The following ARHGAP26 variants were observed in gnomAD, a reference collection of about 807,000 sequenced individuals.
ARHGAP26 encodes the protein rho GTPase-activating protein 26.
ARHGAP26 carries 38 observed loss-of-function variants against 104.8 expected under a neutral mutation model. That is an observed-to-expected ratio of 0.36 (90% CI 0.28 to 0.48). ARHGAP26 has a LOEUF of 0.48. Among genes scored for constraint, ARHGAP26 ranks in the 20% least tolerant of loss-of-function variants. ARHGAP26 has a pLI of 0.99. For synonymous variants in ARHGAP26, 341 were observed against 340.0 expected, an observed-to-expected ratio of 1.00 and a Z score of -0.03; for missense variants, 704 against 947.9, an observed-to-expected ratio of 0.74 and a Z score of 3.38.
intron 10 of ARHGAP26, among the ~76,000 whole-genome samples, chr5:142,922,421 AGTGTGT>A (rs3836778): frequency 6.0e-5 from 9 of 150,440 alleles, no homozygotes; most frequent in Non-Finnish European, 1.0e-4. Context: ...TTGACAGAAG[AGTGTGT>A]GTGTGTGTGT....
At chr5:143,148,432 G>A (rs1037768628) in intron 20 of ARHGAP26, among the ~76,000 whole-genome samples, 1 of 152,192 alleles carries the variant, frequency 6.6e-6, no homozygotes, top group Non-Finnish European at 1.5e-5. Flanking sequence ...TGCTTGGGAG[G>A]AGAGATGACT....
intron 20 of ARHGAP26, among the ~76,000 whole-genome samples, chr5:143,163,461 G>GTTTT (rs200216351): frequency 6.7e-6 from 1 of 148,616 alleles, no homozygotes; most frequent in African/African-American, 2.5e-5. Context: ...TTGTTTGTTT[G>GTTTT]TTTTTTTAAG....
At chr5:143,033,091 G>A (rs548478901) in intron 12 of ARHGAP26, among the ~76,000 whole-genome samples, 1 of 152,324 alleles carries the variant, frequency 6.6e-6, no homozygotes, top group East Asian at 1.9e-4. Flanking sequence ...GGCTAACAGA[G>A]TTATCTTGAG....
intron 20 of ARHGAP26, among the ~76,000 whole-genome samples, chr5:143,188,957 C>G (rs933523421): frequency 6.6e-6 from 1 of 152,182 alleles, no homozygotes; most frequent in Admixed American, 6.5e-5. Flanking sequence ...TTGTGTAGTT[C>G]CCCGTTTCCA....
rs1029542767 is a variant in ARHGAP26, at chr5:142,821,890, A to G, written c.154+50975A>G. 3.3e-5 allele frequency among the ~76,000 whole-genome samples: 5 copies of G among 152,300 alleles called. No homozygotes were observed. The South Asian group carries it at 8.3e-4, about 25-fold the overall frequency. ...TGCTCAGCTGCTTATAAATTGAGTC[A>G]GATCTAGATAAAGGAATTTTTGTCC... On this transcript the variant is annotated intron_variant, in intron 1 of 22. Transcript: ENST00000645722.
At chr5:143,121,620 C>T (rs1458166219) in intron 18 of ARHGAP26, among the ~76,000 whole-genome samples, 1 of 152,114 alleles carries the variant, frequency 6.6e-6, no homozygotes, top group Non-Finnish European at 1.5e-5. Context: ...GTTTGTCTTT[C>T]AGTTTTATAA....
At chr5:142,906,180 C>T (rs527506376) in intron 8 of ARHGAP26, among the ~76,000 whole-genome samples, 1 of 152,256 alleles carries the variant, frequency 6.6e-6, no homozygotes, top group South Asian at 2.1e-4. Context: ...CATGTGGTGT[C>T]GACCTGCCCC....
chr5:143,204,824 G>A (rs1455544315), intron 20 of ARHGAP26, among the ~76,000 whole-genome samples: 1 of 152,056 alleles, frequency 6.6e-6, no homozygotes, highest in Non-Finnish European at 1.5e-5. Flanking sequence ...AAAAAAGTTG[G>A]AAGGACTTTT....
At chr5:142,994,788 G>C (rs1461738086) in intron 11 of ARHGAP26, among the ~76,000 whole-genome samples, 2 of 152,216 alleles carry the variant, frequency 1.3e-5, no homozygotes, top group African/African-American at 4.8e-5. Flanking sequence ...AGTGCCAGCT[G>C]CTCTGCTGCT....
At chr5:143,078,906 T>C (rs970289692) in intron 17 of ARHGAP26, among the ~76,000 whole-genome samples, 2 of 152,242 alleles carry the variant, frequency 1.3e-5, no homozygotes, top group Admixed American at 6.5e-5. Flanking sequence ...TCACTAAACA[T>C]ACATGGCATT....
intron 14 of ARHGAP26, among the ~76,000 whole-genome samples, chr5:143,052,128 G>A (rs931662734): frequency 6.6e-6 from 1 of 152,178 alleles, no homozygotes; most frequent in Admixed American, 6.5e-5. Context: ...TCAGAAATTT[G>A]CTGTGATAGA....
chr5:143,094,672 C>T (rs1306757145), intron 17 of ARHGAP26, among the ~76,000 whole-genome samples: 1 of 152,204 alleles, frequency 6.6e-6, no homozygotes, highest in Non-Finnish European at 1.5e-5. Context: ...GCCTTCTTAT[C>T]CCTGACACGT....
At chr5:142,911,359 A>T (rs1458109477) in intron 9 of ARHGAP26, among the ~76,000 whole-genome samples, 1 of 152,010 alleles carries the variant, frequency 6.6e-6, no homozygotes, top group East Asian at 1.9e-4. Flanking sequence ...TGTTTCTCCA[A>T]GCCTATGTGG....
chr5:142,793,252 CTTTTTT>C (rs56941301), intron 1 of ARHGAP26, among the ~76,000 whole-genome samples: 2 of 107,172 alleles, frequency 1.9e-5, no homozygotes, highest in African/African-American at 7.9e-5. Context: ...TATCCCTTTG[CTTTTTT>C]TTTTTTTTTT....
intron 20 of ARHGAP26, among the ~76,000 whole-genome samples, chr5:143,162,953 AT>A (rs1224647512): frequency 6.6e-6 from 1 of 151,846 alleles, no homozygotes; most frequent in African/African-American, 2.4e-5. Context: ...TACCATCTCT[AT>A]TAAAAAAAAA....
intron 18 of ARHGAP26, 113 bp downstream of exon 18, chr5:143,121,260 T>G: frequency 8.9e-7 from 1 of 1,124,806 alleles, no homozygotes; most frequent in South Asian, 1.8e-5. Flanking sequence ...TACACTGTCA[T>G]GACGATGAAG....
chr5:143,134,122 T>C lies in ARHGAP26; in HGVS notation c.1837+17T>C, dbSNP rs1797663786. ...CAGAGAAACGTGAGTCTTTGCTGCA[T>C]AGGGCCAGCGTGGCATTCAGGGACA... is the stretch of plus-strand genomic sequence containing the variant. On this transcript the variant is annotated intron_variant, in intron 19 of 22. Coordinates refer to ENST00000645722, the MANE Select transcript of ARHGAP26 (RefSeq NM_001135608.3). The C allele has an allele frequency of 6.3e-7, 1 of 1,599,658 alleles. No homozygotes were observed. Among genetic ancestry groups the C allele is most frequent in the African/African-American group, 1.3e-5 (1 of 74,564 alleles).
chr5:143,219,927 G>C (rs930067570), intron 22 of ARHGAP26, among the ~76,000 whole-genome samples: 4 of 152,206 alleles, frequency 2.6e-5, no homozygotes, highest in South Asian at 4.1e-4. Flanking sequence ...CAACCCAAAG[G>C]CTGTGTTATC....
At chr5:143,150,210 A>G (rs1001760867) in intron 20 of ARHGAP26, among the ~76,000 whole-genome samples, 2 of 152,364 alleles carry the variant, frequency 1.3e-5, no homozygotes, top group South Asian at 2.1e-4. Flanking sequence ...ACCAAAGTCC[A>G]GCTAGTCTGA....
Sources: allele counts gnomAD v4.1 joint callset (sites outside exome capture counted in the v4.1 genomes callset), GRCh38; gene constraint gnomAD v4.1.1; transcripts MANE v1.5; gene names NCBI Gene and HGNC (gene_info 2026-07-23, HGNC 2026-07-21).